GCLC: variants seen among roughly 807,000 people sequenced by gnomAD.
GCLC encodes the protein glutamate-cysteine ligase catalytic subunit.
A neutral mutation model predicts 81.5 loss-of-function variants in GCLC; 30 were observed. The observed-to-expected ratio is 0.37, with a 90% CI of 0.28 to 0.50. The LOEUF is 0.50. Ranked by LOEUF, GCLC falls within the 20% of genes least tolerant of loss-of-function variation. GCLC has a pLI of 0.96. For missense variants in GCLC, 556 were observed against 777.4 expected (o/e 0.72, Z 3.39); for synonymous variants, 262 against 273.3 (o/e 0.96, Z 0.41).
intron 15 of GCLC, among the ~76,000 whole-genome samples, chr6:53,499,484 A>C (rs1234947979): frequency 6.6e-6 from 1 of 152,210 alleles, no homozygotes; most frequent in Non-Finnish European, 1.5e-5. Flanking sequence ...GTGACTCCAG[A>C]AAGTTTACAG....
intron 3 of GCLC, among the ~76,000 whole-genome samples, chr6:53,517,506 A>G (rs1224003001): frequency 6.6e-6 from 1 of 151,988 alleles, no homozygotes. Flanking sequence ...TATCTAGAAA[A>G]CAGTTCCCAG....
At chr6:53,544,432 G>T in intron 1 of GCLC, 64 bp downstream of exon 1, 2 of 1,567,208 alleles carry the variant, frequency 1.3e-6, no homozygotes, top group South Asian at 1.1e-5. Flanking sequence ...CGTAGGGCAA[G>T]ACAAAGGCAG....
intron 1 of GCLC, among the ~76,000 whole-genome samples, chr6:53,522,965 T>C (rs536018905): frequency 1.2e-3 from 175 of 152,126 alleles, no homozygotes; most frequent in Non-Finnish European, 2.2e-3. Context: ...ACTGGCAGAG[T>C]AATAAGTAAG....
At position 53,505,904 on chromosome 6, in the gene GCLC, CA is replaced by C. The variant is rs752369718; in HGVS notation, c.1198-10del. Reference sequence around the variant, plus strand: ...TTTGTGGACTGAATATTCTGTGATACAAAAGCAGAGAAGAAAACCAACTTTT... The same window carrying C: ...TTTGTGGACTGAATATTCTGTGATACAAAGCAGAGAAGAAAACCAACTTTT... On this transcript the variant is annotated splice_polypyrimidine_tract_variant and intron_variant, in intron 10 of 15. Coordinates refer to ENST00000650454, the MANE Select transcript of GCLC (RefSeq NM_001498.4). 7.0e-6 allele frequency: 11 copies of C among 1,568,596 alleles called. No homozygotes were observed. The African/African-American group carries it at 1.2e-4, about 17-fold the overall frequency.
At chr6:53,521,520 T>G (rs887379734) in intron 2 of GCLC, among the ~76,000 whole-genome samples, 3 of 152,068 alleles carry the variant, frequency 2.0e-5, no homozygotes, top group African/African-American at 7.2e-5. Context: ...ACTAACCTAC[T>G]CTGCAGAGAA....
chr6:53,533,370 C>T (rs1038940635), intron 1 of GCLC, among the ~76,000 whole-genome samples: 5 of 152,302 alleles, frequency 3.3e-5, no homozygotes, highest in East Asian at 1.9e-4. Context: ...TGTTGCCAGA[C>T]GCCCCCAGTA....
intron 1 of GCLC, among the ~76,000 whole-genome samples, chr6:53,525,021 G>A (rs551268887): frequency 6.6e-6 from 1 of 152,266 alleles, no homozygotes; most frequent in South Asian, 2.1e-4. Flanking sequence ...ATCACTTCAT[G>A]ATCTCATTAA....
At chr6:53,511,201 TGG>T (rs34779369) in intron 6 of GCLC, among the ~76,000 whole-genome samples, 2,113 of 108,168 alleles carry the variant, frequency 0.02, 41 homozygotes, top group Middle Eastern at 0.11. Flanking sequence ...AAAAAAAAAG[TGG>T]GGGGGGGGTG....
At chr6:53,502,653 T>C (rs1224478663) in intron 12 of GCLC, among the ~76,000 whole-genome samples, 3 of 152,260 alleles carry the variant, frequency 2.0e-5, no homozygotes, top group Non-Finnish European at 4.4e-5. Flanking sequence ...AAAAGGTCAC[T>C]ATGCAGCTCT....
chr6:53,534,476 C>CAAA (rs1554155277), intron 1 of GCLC, among the ~76,000 whole-genome samples: 17 of 143,298 alleles, frequency 1.2e-4, no homozygotes, highest in Admixed American at 4.1e-4. Context: ...ACCTGAAAAA[C>CAAA]CAAAAAACAA....
At chr6:53,541,058 T>C (rs1201891891) in intron 1 of GCLC, among the ~76,000 whole-genome samples, 1 of 151,978 alleles carries the variant, frequency 6.6e-6, no homozygotes, top group African/African-American at 2.4e-5. Flanking sequence ...CTACTAAAAA[T>C]ACAAAAATTA....
chr6:53,540,445 C>T (rs1240996515), intron 1 of GCLC, among the ~76,000 whole-genome samples: 2 of 151,870 alleles, frequency 1.3e-5, no homozygotes, highest in South Asian at 2.1e-4. Context: ...CTACTTATAT[C>T]AAGTACTAAA....
Position 53,537,293 on chromosome 6 carries a change from G to A in GCLC, c.150+7203C>T, listed in dbSNP as rs541919714. 3.9e-5 allele frequency among the ~76,000 whole-genome samples: 6 copies of A among 152,266 alleles called. No individual in the cohort carries two copies. In the South Asian group the frequency reaches 8.3e-4, roughly 21 times the overall value. ...CTTCTGGGGGTGGGTAGGGGTTAACGGACAATAAATGCTGTTGAATCAATG... is the reference window on the plus strand; with the variant it reads ...CTTCTGGGGGTGGGTAGGGGTTAACAGACAATAAATGCTGTTGAATCAATG... On this transcript the variant is annotated intron_variant, in intron 1 of 15. Transcript: ENST00000650454.
intron 1 of GCLC, among the ~76,000 whole-genome samples, chr6:53,540,714 G>A (rs1763339626): frequency 7.0e-6 from 1 of 142,566 alleles, no homozygotes; most frequent in African/African-American, 2.6e-5. Context: ...CAAAAGTCCT[G>A]GTTGGAATCT....
chr6:53,529,641 C>T (rs1292799570), intron 1 of GCLC, among the ~76,000 whole-genome samples: 1 of 152,212 alleles, frequency 6.6e-6, no homozygotes, highest in Non-Finnish European at 1.5e-5. Flanking sequence ...TACTTCAGTA[C>T]AATAGGTTCT....
chr6:53,500,567 A>C lies in GCLC; in HGVS notation c.1396-54T>G. 7 of 1,242,116 alleles carry C rather than the reference A, an allele frequency of 5.6e-6. No individual in the cohort carries two copies. In the South Asian group the frequency reaches 8.4e-5, roughly 15 times the overall value. The allele number at this position is 1,242,116 out of a possible 1,614,324, so 76.9% of individuals were successfully genotyped here. A position where few individuals can be genotyped will look rare whatever the true frequency, so the allele number is the denominator to read the frequency against. On this transcript the variant is annotated intron_variant, in intron 12 of 15. Transcript: ENST00000650454. Reference sequence around the variant, plus strand: ...TCAAAATATTCTTGATCAGACATACAAGTTGCAGCACCTTCCTCACCTTTG... The same window carrying C: ...TCAAAATATTCTTGATCAGACATACCAGTTGCAGCACCTTCCTCACCTTTG...
In GCLC at chr6:53,500,356, G is replaced by A. The variant is rs17880746; in HGVS notation, c.1478-6C>T. 5,336 of 1,613,604 alleles carry A rather than the reference G, an allele frequency of 3.3e-3. 28 individuals are homozygous for A. Among genetic ancestry groups the A allele is most frequent in the South Asian group, 0.013 (1,153 of 91,068 alleles). ...ATCCACCACTGCATTGCCACCTGCC[G>A]GAGAAGAGGGTCAGGGGAGCTTTAG... On this transcript the variant is annotated splice_polypyrimidine_tract_variant and splice_region_variant and intron_variant, in intron 13 of 15. Transcript: ENST00000650454.
chr6:53,515,793 AT>A lies in GCLC; in HGVS notation c.560+315del, dbSNP rs202127337. 1.3e-4 allele frequency among the ~76,000 whole-genome samples: 20 copies of A among 149,370 alleles called. No individual in the cohort carries two copies. The East Asian group carries it at 4.0e-3, about 30-fold the overall frequency. The stretch of plus-strand genomic sequence containing the variant: ...GAGAAATAACTAAGAGAAAAAAAAA[AT>A]CCCAGTAGGCATTTACAGACCTAGG... On this transcript the variant is annotated intron_variant, in intron 4 of 15. Coordinates refer to ENST00000650454, the MANE Select transcript of GCLC (RefSeq NM_001498.4).
chr6:53,505,746 T>C (rs565825085), intron 11 of GCLC, 57 bp downstream of exon 11: 139 of 992,590 alleles, frequency 1.4e-4, no homozygotes, highest in Non-Finnish European at 2.0e-4. Context: ...AGAAGGGTGA[T>C]GAACAGCTGG....
Sources: allele counts gnomAD v4.1 joint callset (sites outside exome capture counted in the v4.1 genomes callset), GRCh38; gene constraint gnomAD v4.1.1; transcripts MANE v1.5; gene names NCBI Gene and HGNC (gene_info 2026-07-23, HGNC 2026-07-21).